STK32A: variants seen among roughly 807,000 people sequenced by gnomAD.
STK32A encodes the protein serine/threonine kinase 32A.
Under a neutral mutation model 53.2 loss-of-function variants are expected in STK32A, and 41 were observed. The ratio of observed to expected loss-of-function variants is 0.77; its 90% confidence interval spans 0.60 to 1.00. The LOEUF (loss-of-function observed/expected upper bound fraction) is 1.00. Among genes scored for constraint, STK32A ranks in the 50% least tolerant of loss-of-function variants. The pLI is 0.00. For synonymous variants in STK32A, 166 were observed against 162.8 expected (o/e 1.02, Z -0.15); for missense variants, 458 against 485.8 (o/e 0.94, Z 0.54).
chr5:147,271,928 A>G (rs7712600), intron 2 of STK32A, among the ~76,000 whole-genome samples: 89,372 of 151,858 alleles, frequency 0.59, 26,668 homozygotes, highest in African/African-American at 0.67. Flanking sequence ...TACTTTGTGG[A>G]GCACGTGATC....
intron 7 of STK32A, among the ~76,000 whole-genome samples, chr5:147,352,880 C>T (rs1015415835): frequency 2.0e-5 from 3 of 152,086 alleles, no homozygotes; most frequent in East Asian, 1.9e-4. Flanking sequence ...CTGTGATCCA[C>T]CTTCACATGG....
chr5:147,283,729 C>T (rs1267695402), intron 4 of STK32A, among the ~76,000 whole-genome samples: 1 of 152,034 alleles, frequency 6.6e-6, no homozygotes, highest in Non-Finnish European at 1.5e-5. Flanking sequence ...ATATAACTCT[C>T]CTAGCTTAAA....
intron 5 of STK32A, among the ~76,000 whole-genome samples, chr5:147,336,286 C>G (rs1420888687): frequency 6.6e-6 from 1 of 151,998 alleles, no homozygotes; most frequent in African/African-American, 2.4e-5. Context: ...ATGAAGAGGT[C>G]ATGCCTAAGC....
At chr5:147,246,598 T>C (rs935644697) in intron 2 of STK32A, among the ~76,000 whole-genome samples, 3 of 152,206 alleles carry the variant, frequency 2.0e-5, no homozygotes, top group African/African-American at 7.2e-5. Flanking sequence ...GATCTCAGTT[T>C]GGGAAATGAA....
At chr5:147,331,572 A>C (rs1304821936) in intron 5 of STK32A, among the ~76,000 whole-genome samples, 2 of 152,200 alleles carry the variant, frequency 1.3e-5, no homozygotes, top group Non-Finnish European at 1.5e-5. Context: ...CTATATGTTA[A>C]TTTGTGCTCC....
intron 2 of STK32A, among the ~76,000 whole-genome samples, chr5:147,263,484 G>T (rs977427398): frequency 6.6e-6 from 1 of 151,978 alleles, no homozygotes; most frequent in African/African-American, 2.4e-5. Flanking sequence ...TTAGCAAAAA[G>T]TATAAGAAAG....
chr5:147,338,425 G>T (rs997884855), intron 5 of STK32A, among the ~76,000 whole-genome samples: 1 of 152,140 alleles, frequency 6.6e-6, no homozygotes, highest in Non-Finnish European at 1.5e-5. Context: ...CCAGTCTTGG[G>T]TATGTCTTTA....
chr5:147,364,203 G>A (rs1433818914), intron 8 of STK32A, among the ~76,000 whole-genome samples: 1 of 105,178 alleles, frequency 9.5e-6, no homozygotes, highest in Non-Finnish European at 1.8e-5. Context: ...CAATGAGAGC[G>A]AAACTCCATC....
intron 4 of STK32A, among the ~76,000 whole-genome samples, chr5:147,298,347 G>C (rs970164071): frequency 6.6e-6 from 1 of 152,144 alleles, no homozygotes; most frequent in Non-Finnish European, 1.5e-5. Context: ...AAACTTGTAG[G>C]TACTATTGGA....
chr5:147,373,286 A>C lies in STK32A; in HGVS notation c.895A>C (p.Ile299Leu). The C allele has an allele frequency of 2.5e-6, 4 of 1,613,274 alleles. No individual in the cohort carries two copies. The highest frequency in any genetic ancestry group is 3.4e-6 in the Non-Finnish European group (4 of 1,179,492). The stretch of plus-strand genomic sequence containing the variant: ...TCAGAAGAGGCTCATTCCAGGTTTC[A>C]TTCCTAATGTGAGTCAATCCTAACA... The part of the protein sequence containing the change: ...VFQKRLIPGF[I>L]PNKGRLNCDP... Residue 299 changes from isoleucine to leucine, a missense_variant, in exon 10 of 13, where the codon ATT becomes CTT. By Grantham distance (5) the Ile-to-Leu change is conservative. Coordinates refer to ENST00000397936, the MANE Select transcript of STK32A (RefSeq NM_001112724.2).
chr5:147,363,417 T>C (rs1446614565), intron 8 of STK32A, among the ~76,000 whole-genome samples: 1 of 152,174 alleles, frequency 6.6e-6, no homozygotes, highest in Admixed American at 6.5e-5. Flanking sequence ...CACATGGCTC[T>C]CTGTGAAGGC....
chr5:147,393,835 C>T, the STK32A span: 1 of 602,672 alleles, frequency 1.7e-6, no homozygotes, highest in Non-Finnish European at 2.9e-6. Context: ...CAAATCAAGG[C>T]TATGCATAAA....
At chr5:147,378,840 C>A (rs1312799862) in intron 11 of STK32A, among the ~76,000 whole-genome samples, 1 of 28,094 alleles carries the variant, frequency 3.6e-5, no homozygotes, top group Non-Finnish European at 7.4e-5. Flanking sequence ...TGCCTCCAGT[C>A]TTTTTTTTTT....
chr5:147,303,551 C>T (rs79904010), intron 4 of STK32A, among the ~76,000 whole-genome samples: 5 of 152,138 alleles, frequency 3.3e-5, no homozygotes, highest in Admixed American at 2.0e-4. Context: ...TAGAAATAGG[C>T]TCCACTTCTG....
At chr5:147,262,567 T>A (rs1754626376) in intron 2 of STK32A, among the ~76,000 whole-genome samples, 2 of 149,776 alleles carry the variant, frequency 1.3e-5, no homozygotes, top group Admixed American at 1.4e-4. Context: ...TCATTCATTA[T>A]ACCTATTTTA....
At chr5:147,260,155 TC>T (rs1754457593) in intron 2 of STK32A, among the ~76,000 whole-genome samples, 2 of 84,568 alleles carry the variant, frequency 2.4e-5, no homozygotes, top group Admixed American at 1.3e-4. Flanking sequence ...CCTGTCTCTC[TC>T]CTCTCTGTCT....
intron 2 of STK32A, among the ~76,000 whole-genome samples, chr5:147,251,414 C>T (rs769266888): frequency 1.4e-4 from 21 of 152,124 alleles, no homozygotes; most frequent in African/African-American, 4.1e-4. Flanking sequence ...TTTTATCATT[C>T]GATCAGTCTA....
the STK32A span, chr5:147,398,978 T>C: frequency 6.9e-7 from 1 of 1,454,336 alleles, no homozygotes; most frequent in Non-Finnish European, 9.3e-7. Context: ...TTGCAACCCG[T>C]CCTAGTCTAA....
chr5:147,314,507 C>CAAAAAAAAAAAA (rs1299138229), intron 4 of STK32A, among the ~76,000 whole-genome samples: 5 of 12,786 alleles, frequency 3.9e-4, no homozygotes, highest in African/African-American at 7.1e-4. Flanking sequence ...TCAAAAAAAA[C>CAAAAAAAAAAAA]AAAAAAAAAC....
Sources: gnomAD v4.1 joint callset for allele counts (sites outside exome capture counted in the v4.1 genomes callset) on GRCh38, gnomAD v4.1.1 for gene constraint, MANE v1.5 for transcripts, NCBI Gene and HGNC (gene_info 2026-07-23, HGNC 2026-07-21) for gene names.